L2HGDH: variants seen among roughly 807,000 people sequenced by gnomAD.
The protein encoded by L2HGDH is L-2-hydroxyglutarate dehydrogenase, mitochondrial.
In L2HGDH, 34 loss-of-function variants were observed where a neutral mutation model predicts 51.5. That is an observed-to-expected ratio of 0.66 (90% CI 0.50 to 0.88). The LOEUF is 0.88. Ranked by LOEUF, L2HGDH falls within the 40% of genes least tolerant of loss-of-function variation. The probability of loss-of-function intolerance (pLI) is 0.00; values close to 1 mark genes in which losing one functional copy is unlikely to be tolerated. For missense variants in L2HGDH, 558 were observed against 571.9 expected (o/e 0.98, Z 0.25); for synonymous variants, 198 against 197.9 (o/e 1.00, Z -0.01).
At chr14:50,311,970 G>C (rs1444343397) in intron 1 of L2HGDH, 41 bp downstream of exon 1, 2 of 1,543,360 alleles carry the variant, frequency 1.3e-6, no homozygotes, top group East Asian at 2.4e-5. Flanking sequence ...CTCCGCGAGG[G>C]GCAGCAGCGC....
intron 9 of L2HGDH, among the ~76,000 whole-genome samples, chr14:50,257,634 G>A (rs1888748471): frequency 6.6e-6 from 1 of 152,056 alleles, no homozygotes; most frequent in South Asian, 2.1e-4. Flanking sequence ...GCCTCCCAAA[G>A]TTCTGGGATT....
rs1408442999 is a variant in L2HGDH at position 50,303,014 on chromosome 14, T to C, written c.144A>G (p.Ser48=). ...CGGSRSASTS[S]FDIVIVGGGI... Reference sequence around the variant, plus strand: ...CGCCACCAACGATGACTATATCAAATGAGCTTCAAAAGAAAGTCATCTTTA... The same window carrying C: ...CGCCACCAACGATGACTATATCAAACGAGCTTCAAAAGAAAGTCATCTTTA... The change falls in exon 2 of 10, where the codon TCA becomes TCG. Residue 48 remains serine, a synonymous_variant. Coordinates refer to ENST00000267436, the MANE Select transcript of L2HGDH (RefSeq NM_024884.3). 1 of 1,596,230 alleles carries C rather than the reference T, an allele frequency of 6.3e-7. No individual in the cohort carries two copies. Among genetic ancestry groups the C allele is most frequent in the Non-Finnish European group, 8.6e-7 (1 of 1,163,788 alleles).
At chr14:50,285,956 A>G (rs1393445234) in intron 4 of L2HGDH, among the ~76,000 whole-genome samples, 1 of 152,114 alleles carries the variant, frequency 6.6e-6, no homozygotes, top group Admixed American at 6.5e-5. Context: ...AGTCATCATC[A>G]CCATGCAATC....
chr14:50,267,562 T>TG lies in L2HGDH; in HGVS notation c.1064+190_1064+191insC, dbSNP rs1179421934. Among the ~76,000 whole-genome samples, 461 of 128,490 alleles carry TG rather than the reference T, an allele frequency of 3.6e-3. 1 individual carries two copies. The highest frequency in any genetic ancestry group is 5.8e-3 in the Non-Finnish European group (317 of 54,896). The allele number at this position is 128,490 out of a possible 152,430, so 84.3% of individuals were successfully genotyped here. A position where few individuals can be genotyped will look rare whatever the true frequency, so the allele number is the denominator to read the frequency against. ...TATACTTATTCCAAAAGGCATTTTT[T>TG]TTTTTGTTTGTTTGTTTGTTTGTTT... On this transcript the variant is annotated intron_variant, in intron 8 of 9. Coordinates refer to ENST00000267436, the MANE Select transcript of L2HGDH (RefSeq NM_024884.3).
chr14:50,297,111 C>T (rs1382593290), intron 3 of L2HGDH, among the ~76,000 whole-genome samples: 3 of 152,116 alleles, frequency 2.0e-5, no homozygotes, highest in Admixed American at 1.3e-4. Context: ...TAGAAAGGAA[C>T]TTCCTTAATC....
intron 7 of L2HGDH, among the ~76,000 whole-genome samples, chr14:50,268,570 T>A (rs1238388578): frequency 6.6e-6 from 1 of 152,086 alleles, no homozygotes; most frequent in Non-Finnish European, 1.5e-5. Flanking sequence ...TACACATTCA[T>A]AGCACAGGCT....
rs1449429433 is a variant in L2HGDH at position 50,246,384 on chromosome 14, AT to A, written c.*673del. On this transcript the variant is annotated 3_prime_UTR_variant, in exon 10 of 10. Coordinates refer to ENST00000267436, the MANE Select transcript of L2HGDH (RefSeq NM_024884.3). ...AGGCACACACCATCATGCCCAGCTA[AT>A]TTTTGTATTTTTTGTAGAGATGGGG... The A allele has an allele frequency of 7.0e-6, 1 of 143,386 alleles. No individual in the cohort carries two copies. Among genetic ancestry groups the A allele is most frequent in the African/African-American group, 2.6e-5 (1 of 38,318 alleles). 8.9% of individuals were successfully genotyped at this position (143,386 alleles called of 1,614,324 possible). A position where few individuals can be genotyped will look rare whatever the true frequency, so the allele number is the denominator to read the frequency against.
intron 9 of L2HGDH, among the ~76,000 whole-genome samples, chr14:50,252,600 T>A (rs573542233): frequency 3.8e-4 from 57 of 151,630 alleles, no homozygotes; most frequent in Middle Eastern, 3.5e-3. Context: ...TCCATGACAA[T>A]GGAAATGAAA....
At chr14:50,250,477 A>C (rs1888281883) in intron 9 of L2HGDH, among the ~76,000 whole-genome samples, 1 of 152,220 alleles carries the variant, frequency 6.6e-6, no homozygotes, top group African/African-American at 2.4e-5. Flanking sequence ...GCAGTAGAAC[A>C]GAACATCAGG....
intron 4 of L2HGDH, among the ~76,000 whole-genome samples, chr14:50,290,280 AAAAC>A (rs1465967965): frequency 4.6e-5 from 7 of 152,116 alleles, no homozygotes; most frequent in Non-Finnish European, 5.9e-5. Flanking sequence ...AAAAAAAACA[AAAAC>A]AAACAAACAA....
chr14:50,283,201 A>T (rs984898784), intron 5 of L2HGDH, among the ~76,000 whole-genome samples: 19 of 150,116 alleles, frequency 1.3e-4, no homozygotes, highest in African/African-American at 4.8e-4. Context: ...ACCCTGCCCC[A>T]AGGGGAAAAA....
chr14:50,302,666 C>G (rs1487245087), intron 2 of L2HGDH, among the ~76,000 whole-genome samples: 1 of 152,158 alleles, frequency 6.6e-6, no homozygotes, highest in African/African-American at 2.4e-5. Context: ...TTCCTCACCC[C>G]CTCACTCCTG....
intron 9 of L2HGDH, among the ~76,000 whole-genome samples, chr14:50,248,871 A>C (rs1322454815): frequency 2.0e-5 from 3 of 152,206 alleles, no homozygotes; most frequent in Non-Finnish European, 4.4e-5. Context: ...GCTGGTTTTG[A>C]CTTCATATCT....
At position 50,277,036 on chromosome 14, in the gene L2HGDH, G is replaced by C. The variant is rs1416329739; in HGVS notation, c.738+1484C>G. Among the ~76,000 whole-genome samples the C allele has an allele frequency of 2.0e-5, 3 of 152,116 alleles. No individual in the cohort carries two copies. The East Asian group carries it at 5.8e-4, about 29-fold the overall frequency. On this transcript the variant is annotated intron_variant, in intron 6 of 9. Coordinates refer to ENST00000267436, the MANE Select transcript of L2HGDH (RefSeq NM_024884.3). ...CTCTAAACATTGCCAAATGTTCCCCGAGGAGTAAAATTGCCTCTAGTTGAG... is the reference window on the plus strand; with the variant it reads ...CTCTAAACATTGCCAAATGTTCCCCCAGGAGTAAAATTGCCTCTAGTTGAG...
chr14:50,256,828 T>C (rs1018762232), intron 9 of L2HGDH, among the ~76,000 whole-genome samples: 2 of 152,156 alleles, frequency 1.3e-5, no homozygotes, highest in African/African-American at 4.8e-5. Flanking sequence ...GTCTGTCAAT[T>C]CTAGAAAATT....
At chr14:50,308,165 C>T (rs1486468917) in intron 1 of L2HGDH, among the ~76,000 whole-genome samples, 5 of 152,096 alleles carry the variant, frequency 3.3e-5, no homozygotes, top group Admixed American at 2.6e-4. Context: ...CCAAGGCGGG[C>T]GGATCACCTG....
intron 4 of L2HGDH, chr14:50,287,248 C>T: frequency 1.0e-6 from 1 of 984,440 alleles, no homozygotes; most frequent in Non-Finnish European, 1.2e-6. Context: ...TTTACAACAT[C>T]TGAAAAGTTT....
intron 9 of L2HGDH, among the ~76,000 whole-genome samples, chr14:50,260,946 T>A (rs1276867921): frequency 6.6e-6 from 1 of 152,020 alleles, no homozygotes; most frequent in East Asian, 1.9e-4. Flanking sequence ...TGAAACCCCA[T>A]CTCTACTAAA....
intron 1 of L2HGDH, among the ~76,000 whole-genome samples, chr14:50,305,403 T>TA (rs943690187): frequency 1.2e-4 from 18 of 152,322 alleles, no homozygotes; most frequent in Admixed American, 3.3e-4. Flanking sequence ...AGTGGTCAAC[T>TA]AAAAAATTAC....
Sources: allele counts gnomAD v4.1 joint callset (sites outside exome capture counted in the v4.1 genomes callset), GRCh38; gene constraint gnomAD v4.1.1; transcripts MANE v1.5; gene names NCBI Gene and HGNC (gene_info 2026-07-23, HGNC 2026-07-21).